Variants in CLNK observed in about 807,000 individuals in gnomAD.
The protein encoded by CLNK is cytokine dependent hematopoietic cell linker.
Under a neutral mutation model 68.6 loss-of-function variants are expected in CLNK, and 74 were observed. The ratio of observed to expected loss-of-function variants is 1.08; its 90% CI spans 0.89 to 1.31. The LOEUF is 1.31. Ranked by LOEUF, CLNK falls within the 50% of genes most tolerant of loss-of-function variation. The pLI, the probability that CLNK is intolerant of heterozygous loss-of-function variation, is 0.00. For missense variants in CLNK, 553 were observed against 515.3 expected (o/e 1.07, Z -0.71); for synonymous variants, 198 against 172.2 (o/e 1.15, Z -1.17).
At chr4:10,667,641 T>A (rs947670713) in intron 2 of CLNK, among the ~76,000 whole-genome samples, 7 of 137,038 alleles carry the variant, frequency 5.1e-5, no homozygotes, top group Non-Finnish European at 1.1e-4. Flanking sequence ...ACACCCATGC[T>A]GGGTGACAGC....
intron 8 of CLNK, among the ~76,000 whole-genome samples, chr4:10,556,521 G>T (rs767084366): frequency 6.6e-6 from 1 of 152,158 alleles, no homozygotes; most frequent in Non-Finnish European, 1.5e-5. Flanking sequence ...TTCTGCAGCC[G>T]AAGAAGTGAG....
At chr4:10,617,482 G>T (rs1190877703) in intron 2 of CLNK, among the ~76,000 whole-genome samples, 1 of 152,204 alleles carries the variant, frequency 6.6e-6, no homozygotes, top group African/African-American at 2.4e-5. Flanking sequence ...TTTCTCACCA[G>T]TGGGACTATG....
the CLNK span, among the ~76,000 whole-genome samples, chr4:10,713,756 T>C: frequency 2.0e-5 from 3 of 152,066 alleles, no homozygotes; most frequent in Admixed American, 2.0e-4. Context: ...GAGCATGGCA[T>C]CCCTCCCATT....
At chr4:10,616,790 G>GTGTGTGTATA (rs1369047138) in intron 2 of CLNK, among the ~76,000 whole-genome samples, 1 of 64,358 alleles carries the variant, frequency 1.6e-5, no homozygotes, top group African/African-American at 4.2e-5. Flanking sequence ...GTGTGTGTGT[G>GTGTGTGTATA]TATATATATA....
chr4:10,486,662 A>G lies in CLNK; in HGVS notation c.*3805T>C, dbSNP rs1716367358. On this transcript the variant is annotated 3_prime_UTR_variant, in exon 19 of 19. Transcript: ENST00000226951. ...ACAGCCATGATGCGGTTACTTAAAAACACACACACACACACGCACACAGGC... is the reference window on the plus strand; with the variant it reads ...ACAGCCATGATGCGGTTACTTAAAAGCACACACACACACACGCACACAGGC... 1.3e-5 allele frequency: 2 copies of G among 150,972 alleles called. No homozygotes were observed. The highest frequency in any genetic ancestry group is 1.3e-4 in the Admixed American group (2 of 15,136). The allele number at this position is 150,972 out of a possible 1,614,324, so 9.4% of individuals were successfully genotyped here. A position where few individuals can be genotyped will look rare whatever the true frequency, so the allele number is the denominator to read the frequency against.
intron 14 of CLNK, chr4:10,523,808 T>C: frequency 5.7e-6 from 1 of 175,604 alleles, no homozygotes; most frequent in Non-Finnish European, 1.2e-5. Flanking sequence ...GTGAATCACT[T>C]GAGCCCAGGA....
intron 2 of CLNK, among the ~76,000 whole-genome samples, chr4:10,645,892 T>C (rs1271226873): frequency 6.6e-6 from 1 of 152,186 alleles, no homozygotes; most frequent in East Asian, 1.9e-4. Context: ...ATATCCCAAA[T>C]ACCTTGATTT....
the CLNK span, among the ~76,000 whole-genome samples, chr4:10,727,943 G>A: frequency 1.3e-5 from 2 of 152,196 alleles, no homozygotes; most frequent in East Asian, 3.9e-4. Flanking sequence ...AGCTCTCTAG[G>A]GGATTCTGCA....
At chr4:10,660,452 T>C (rs1577203478) in intron 2 of CLNK, among the ~76,000 whole-genome samples, 1 of 152,358 alleles carries the variant, frequency 6.6e-6, no homozygotes, top group Admixed American at 6.5e-5. Flanking sequence ...TTTTCAATGA[T>C]TCATTTAGTG....
chr4:10,708,944 A>AT, the CLNK span, among the ~76,000 whole-genome samples: 1 of 152,168 alleles, frequency 6.6e-6, no homozygotes, highest in Non-Finnish European at 1.5e-5. Context: ...TCTTCTTTTG[A>AT]TTTTTCTAGA....
chr4:10,628,658 G>A (rs955966983), intron 2 of CLNK, among the ~76,000 whole-genome samples: 6 of 152,188 alleles, frequency 3.9e-5, no homozygotes, highest in African/African-American at 1.4e-4. Context: ...TCCTTCTTCA[G>A]TGAAGACTGC....
chr4:10,540,646 C>T, intron 10 of CLNK, 42 bp from the exon 11 acceptor site: 1 of 1,381,654 alleles, frequency 7.2e-7, no homozygotes, highest in Non-Finnish European at 1.0e-6. Flanking sequence ...AAGTTTGCTG[C>T]AGCAGTGATG....
At chr4:10,630,841 T>C (rs1253512586) in intron 2 of CLNK, among the ~76,000 whole-genome samples, 1 of 152,230 alleles carries the variant, frequency 6.6e-6, no homozygotes, top group Non-Finnish European at 1.5e-5. Flanking sequence ...GTGATGTCCA[T>C]CTGCTTGTAG....
At chr4:10,515,804 A>G (rs1717811739) in intron 15 of CLNK, among the ~76,000 whole-genome samples, 1 of 152,192 alleles carries the variant, frequency 6.6e-6, no homozygotes, top group African/African-American at 2.4e-5. Flanking sequence ...GTTTATGTCT[A>G]TTATCTATTA....
At chr4:10,496,725 A>G (rs1368970277) in intron 18 of CLNK, among the ~76,000 whole-genome samples, 1 of 152,208 alleles carries the variant, frequency 6.6e-6, no homozygotes, top group Non-Finnish European at 1.5e-5. Flanking sequence ...AATCAAATGG[A>G]AACACTTCAG....
chr4:10,574,993 G>C (rs1022336971), intron 4 of CLNK, among the ~76,000 whole-genome samples: 1 of 152,168 alleles, frequency 6.6e-6, no homozygotes, highest in South Asian at 2.1e-4. Context: ...TGTTGGAGAC[G>C]TGAGTCTTGC....
chr4:10,691,017 T>C, the CLNK span, among the ~76,000 whole-genome samples: 1 of 152,016 alleles, frequency 6.6e-6, no homozygotes, highest in Non-Finnish European at 1.5e-5. Flanking sequence ...GAGGTCTAAG[T>C]CTGCATCTCT....
the CLNK span, among the ~76,000 whole-genome samples, chr4:10,731,152 A>G: frequency 2.0e-5 from 3 of 152,272 alleles, no homozygotes; most frequent in Non-Finnish European, 2.9e-5. Context: ...ACACAGTGCT[A>G]TCAAACATTA....
chr4:10,718,333 C>CA, the CLNK span, among the ~76,000 whole-genome samples: 1 of 151,882 alleles, frequency 6.6e-6, no homozygotes, highest in African/African-American at 2.4e-5. Context: ...ACCACAAACA[C>CA]AAAAAACCCA....
Sources: gnomAD v4.1 joint callset for allele counts (sites outside exome capture counted in the v4.1 genomes callset) on GRCh38, gnomAD v4.1.1 for gene constraint, MANE v1.5 for transcripts, NCBI Gene and HGNC (gene_info 2026-07-23, HGNC 2026-07-21) for gene names.